Variants in INO80C observed in about 807,000 individuals in gnomAD.
The protein encoded by INO80C is IES6 homolog.
Under a neutral mutation model 17.7 loss-of-function variants are expected in INO80C, and 17 were observed. That is an observed-to-expected ratio of 0.96 (90% CI 0.66 to 1.44). INO80C has a LOEUF of 1.44. Ranked by LOEUF, INO80C falls within the 40% of genes most tolerant of loss-of-function variation. The pLI is 0.00. For missense variants in INO80C, 244 were observed against 245.0 expected, an observed-to-expected ratio of 1.00 and a Z score of 0.03; for synonymous variants, 96 against 95.8, an observed-to-expected ratio of 1.00 and a Z score of -0.01.
chr18:35,497,655 G>GGCTCC, intron 1 of INO80C, 64 bp downstream of exon 1: 1 of 1,552,142 alleles, frequency 6.4e-7, no homozygotes, highest in South Asian at 1.2e-5. Flanking sequence ...GCCCTGGCTC[G>GGCTCC]GCTCCGCCCC....
intron 4 of INO80C, among the ~76,000 whole-genome samples, chr18:35,476,803 C>A (rs1391309729): frequency 6.6e-6 from 1 of 152,074 alleles, no homozygotes; most frequent in Non-Finnish European, 1.5e-5. Context: ...GAGTTCAAGG[C>A]TTCAGTGAGT....
chr18:35,488,048 C>T (rs1039859096), intron 1 of INO80C, among the ~76,000 whole-genome samples: 1 of 152,226 alleles, frequency 6.6e-6, no homozygotes, highest in Non-Finnish European at 1.5e-5. Flanking sequence ...AATGGGTTCC[C>T]ATGGTCTTGG....
intron 4 of INO80C, among the ~76,000 whole-genome samples, chr18:35,469,867 A>G (rs1389788103): frequency 6.6e-6 from 1 of 152,222 alleles, no homozygotes; most frequent in East Asian, 1.9e-4. Flanking sequence ...TGAATAAACA[A>G]ACAGACAATT....
chr18:35,497,895 G>A lies in INO80C; in HGVS notation c.-21C>T. ...GCCATCGCACTCCGAGTCTTCCCCT[G>A]GTCCCCCCACCTTTTTCCCAGCGCG... On this transcript the variant is annotated 5_prime_UTR_variant, in exon 1 of 5. Transcript: ENST00000334598. 1 of 1,525,318 alleles carries A rather than the reference G, an allele frequency of 6.6e-7. No individual in the cohort carries two copies. The highest frequency in any genetic ancestry group is 8.8e-7 in the Non-Finnish European group (1 of 1,134,570). The allele number at this position is 1,525,318 out of a possible 1,614,324, so 94.5% of individuals were successfully genotyped here.
intron 1 of INO80C, among the ~76,000 whole-genome samples, chr18:35,481,341 T>C (rs188107583): frequency 1.3e-5 from 2 of 152,338 alleles, no homozygotes; most frequent in Admixed American, 1.3e-4. Flanking sequence ...TTGCCAGGCT[T>C]CAATTAACTT....
Position 35,478,350 on chromosome 18 carries a change from C to T in INO80C, c.380-1G>A, listed in dbSNP as rs1247005289. On this transcript the variant is annotated splice_acceptor_variant, in intron 3 of 4. Transcript: ENST00000334598. LOFTEE classifies it high-confidence loss of function. ...GATGGAGGAGCATCAATACTGAAGT[C>T]TGGGAAAAAAAAAAAAAAAAGATAA... 3 of 1,470,532 alleles carry T rather than the reference C, an allele frequency of 2.0e-6. No homozygotes were observed. The highest frequency in any genetic ancestry group is 2.8e-6 in the Non-Finnish European group (3 of 1,088,912). The allele number at this position is 1,470,532 out of a possible 1,614,324, so 91.1% of individuals were successfully genotyped here.
At position 35,480,714 on chromosome 18, in the gene INO80C, G is replaced by A. The variant is rs2045796867; in HGVS notation, c.157-151C>T. 20 of 637,104 alleles carry A rather than the reference G, an allele frequency of 3.1e-5. 1 individual carries two copies. The South Asian group carries it at 3.5e-4, about 11-fold the overall frequency. The allele number at this position is 637,104 out of a possible 1,614,324, so 39.5% of individuals were successfully genotyped here. A position where few individuals can be genotyped will look rare whatever the true frequency, so the allele number is the denominator to read the frequency against. On this transcript the variant is annotated intron_variant, in intron 1 of 4. Transcript: ENST00000334598. Reference sequence around the variant, plus strand: ...CCAGCAGGCAGCCTGCCCTAGGGGAGGGCACACCACACGGGGAGTAGCACC... The same window carrying A: ...CCAGCAGGCAGCCTGCCCTAGGGGAAGGCACACCACACGGGGAGTAGCACC...
intron 1 of INO80C, chr18:35,489,525 A>G (rs1011491285): frequency 1.3e-5 from 2 of 154,868 alleles, no homozygotes; most frequent in East Asian, 3.8e-4. Context: ...TAGTTATATC[A>G]CACTGGGTTC....
In INO80C at chr18:35,468,635, C is replaced by T. The variant is rs761368166; in HGVS notation, c.555G>A (p.Arg185=). 1 of 1,614,098 alleles carries T rather than the reference C, an allele frequency of 6.2e-7. No homozygotes were observed. The highest frequency in any genetic ancestry group is 8.5e-7 in the Non-Finnish European group (1 of 1,180,008). Residue 185 remains arginine (R), a synonymous_variant, in exon 5 of 5, where the codon AGG becomes AGA. Coordinates refer to ENST00000334598, the MANE Select transcript of INO80C (RefSeq NM_194281.4). ...CTCAGGGAACGATGCTCGTGGCCTT[C>T]CTCAGGGCCAGGTAGCCGGTGACGA... ...SDVVTGYLAL[R]KATSIVP
At chr18:35,471,885 G>T (rs1280591590) in intron 4 of INO80C, among the ~76,000 whole-genome samples, 1 of 151,866 alleles carries the variant, frequency 6.6e-6, no homozygotes, top group Non-Finnish European at 1.5e-5. Context: ...AGTTTGCTCA[G>T]AATGATGGTT....
At chr18:35,473,462 T>C (rs949502090) in intron 4 of INO80C, among the ~76,000 whole-genome samples, 7 of 152,132 alleles carry the variant, frequency 4.6e-5, no homozygotes, top group Admixed American at 3.3e-4. Flanking sequence ...ACACCTGTTA[T>C]TGGCAAAGCT....
At chr18:35,468,867 C>T (rs2045636058) in intron 4 of INO80C, 125 bp from the exon 5 acceptor site, 1 of 814,226 alleles carries the variant, frequency 1.2e-6, no homozygotes, top group Non-Finnish European at 1.9e-6. Flanking sequence ...TCTTACTCTG[C>T]CACCAAGAAC....
At position 35,497,935 on chromosome 18, in the gene INO80C, C is replaced by T. The variant is rs748092130; in HGVS notation, c.-61G>A. Reference sequence around the variant, plus strand: ...TTCCCAGCGCGGGCCTTGGAACTTCCTTTCCGCTGTTACTTCCGTCTTGAT... The same window carrying T: ...TTCCCAGCGCGGGCCTTGGAACTTCTTTTCCGCTGTTACTTCCGTCTTGAT... On this transcript the variant is annotated 5_prime_UTR_variant, in exon 1 of 5. Transcript: ENST00000334598. 1 of 1,458,864 alleles carries T rather than the reference C, an allele frequency of 6.9e-7. No individual in the cohort carries two copies. Among genetic ancestry groups the T allele is most frequent in the Admixed American group, 2.6e-5 (1 of 38,864 alleles). 90.4% of individuals were successfully genotyped at this position (1,458,864 alleles called of 1,614,324 possible).
chr18:35,478,322 A>T lies in INO80C; in HGVS notation c.407T>A (p.Phe136Tyr). The change falls in exon 4 of 5, where the codon TTT becomes TAT. Residue 136 changes from phenylalanine (F) to tyrosine (Y), a missense_variant. Coordinates refer to ENST00000334598, the MANE Select transcript of INO80C (RefSeq NM_194281.4). ...NYFSIDAPPS[F>Y]KPAKKYSDVS... ...ATCAGAATACTTCTTAGCTGGCTTA[A>T]AGGATGGAGGAGCATCAATACTGAA... 6.2e-7 allele frequency: 1 copy of T among 1,609,904 alleles called. No homozygotes were observed. Among genetic ancestry groups the T allele is most frequent in the South Asian group, 1.1e-5 (1 of 90,406 alleles).
At chr18:35,492,806 G>A (rs982978609) in intron 1 of INO80C, among the ~76,000 whole-genome samples, 5 of 152,266 alleles carry the variant, frequency 3.3e-5, no homozygotes, top group Non-Finnish European at 5.9e-5. Context: ...CACAAATGAA[G>A]AGGCTATTAA....
intron 1 of INO80C, among the ~76,000 whole-genome samples, chr18:35,493,333 A>G (rs2045950180): frequency 6.6e-6 from 1 of 152,250 alleles, no homozygotes; most frequent in Non-Finnish European, 1.5e-5. Flanking sequence ...AGTAACAACC[A>G]GAGTGAATGG....
At chr18:35,491,991 C>T (rs2045937723) in intron 1 of INO80C, among the ~76,000 whole-genome samples, 1 of 152,166 alleles carries the variant, frequency 6.6e-6, no homozygotes, top group South Asian at 2.1e-4. Flanking sequence ...CTGGGTCTCG[C>T]CCTGCTCTGC....
At chr18:35,469,323 C>T (rs189001598) in intron 4 of INO80C, among the ~76,000 whole-genome samples, 3 of 152,308 alleles carry the variant, frequency 2.0e-5, no homozygotes, top group East Asian at 1.9e-4. Flanking sequence ...TGTCATTCCT[C>T]GGCATAAAAT....
intron 1 of INO80C, among the ~76,000 whole-genome samples, chr18:35,491,051 C>T (rs1324342465): frequency 3.3e-5 from 5 of 152,214 alleles, no homozygotes; most frequent in African/African-American, 9.7e-5. Flanking sequence ...TGAGCCACTG[C>T]GCCTGGCCAA....
Sources: gnomAD v4.1 joint callset for allele counts (sites outside exome capture counted in the v4.1 genomes callset) on GRCh38, gnomAD v4.1.1 for gene constraint, MANE v1.5 for transcripts, NCBI Gene and HGNC (gene_info 2026-07-23, HGNC 2026-07-21) for gene names.